EPHA3: variants seen among roughly 807,000 people sequenced by gnomAD.
EPHA3 encodes the protein ephrin type-A receptor 3.
Under a neutral mutation model 107.1 loss-of-function variants are expected in EPHA3, and 42 were observed. The observed-to-expected ratio is 0.39, with a 90% CI of 0.31 to 0.51. The LOEUF (loss-of-function observed/expected upper bound fraction) is 0.51. Ranked by LOEUF, EPHA3 falls within the 20% of genes least tolerant of loss-of-function variation. The probability of loss-of-function intolerance (pLI) is 0.78; values close to 1 mark genes in which losing one functional copy is unlikely to be tolerated. For synonymous variants in EPHA3, 461 were observed against 424.8 expected (o/e 1.09, Z -1.05); for missense variants, 1,183 against 1,211.2 (o/e 0.98, Z 0.35).
At chr3:89,407,237 C>T (rs367913580) in intron 7 of EPHA3, 32 bp from the exon 8 acceptor site, 77 of 1,477,826 alleles carry the variant, frequency 5.2e-5, no homozygotes, top group Middle Eastern at 1.7e-4. Context: ...GATTATAATA[C>T]CTGTTCTTAT....
chr3:89,411,742 T>G (rs1469746993), intron 9 of EPHA3, among the ~76,000 whole-genome samples: 4 of 151,892 alleles, frequency 2.6e-5, no homozygotes, highest in Non-Finnish European at 2.9e-5. Context: ...GGCCTAATGT[T>G]CATTGTACTG....
intron 2 of EPHA3, among the ~76,000 whole-genome samples, chr3:89,131,623 G>A (rs1043983437): frequency 6.6e-6 from 1 of 152,130 alleles, no homozygotes; most frequent in African/African-American, 2.4e-5. Flanking sequence ...CATGAGCTAT[G>A]ACTCACTTAA....
At chr3:89,397,347 A>G (rs1708869828) in intron 6 of EPHA3, among the ~76,000 whole-genome samples, 1 of 152,216 alleles carries the variant, frequency 6.6e-6, no homozygotes, top group Admixed American at 6.5e-5. Context: ...GTGTGACAAG[A>G]TAGAATGGGC....
chr3:89,219,032 G>C (rs575907054), intron 3 of EPHA3, among the ~76,000 whole-genome samples: 1 of 152,230 alleles, frequency 6.6e-6, no homozygotes, highest in South Asian at 2.1e-4. Context: ...AACATGGTCT[G>C]GTAAGCATGA....
Position 89,239,350 on chromosome 3 carries a change from A to G in EPHA3, c.814+28830A>G, listed in dbSNP as rs553723896. On this transcript the variant is annotated intron_variant, in intron 3 of 16. Coordinates refer to ENST00000336596, the MANE Select transcript of EPHA3 (RefSeq NM_005233.6). ...TCATTTCTTTCCACATTTCAAAATA[A>G]CAGTTGTATAATTTGGATAATTCCT... Among the ~76,000 whole-genome samples the G allele has an allele frequency of 3.3e-5, 5 of 152,312 alleles. No individual in the cohort carries two copies. In the South Asian group the frequency reaches 1.0e-3, roughly 32 times the overall value.
At chr3:89,110,867 T>C (rs1247686021) in intron 1 of EPHA3, among the ~76,000 whole-genome samples, 1 of 152,024 alleles carries the variant, frequency 6.6e-6, no homozygotes, top group Non-Finnish European at 1.5e-5. Flanking sequence ...TTGGTAAAAA[T>C]ACTTTCTTTA....
chr3:89,292,339 A>G (rs973616831), intron 3 of EPHA3, among the ~76,000 whole-genome samples: 4 of 152,170 alleles, frequency 2.6e-5, no homozygotes, highest in African/African-American at 9.6e-5. Flanking sequence ...TATTTTAAGC[A>G]ATCTAGAGAT....
At position 89,341,667 on chromosome 3, in the gene EPHA3, C is replaced by T. The variant is rs1347588845; in HGVS notation, c.971-88C>T. 5.8e-6 allele frequency: 6 copies of T among 1,026,624 alleles called. No homozygotes were observed. The Admixed American group carries it at 1.5e-4, about 26-fold the overall frequency. 63.6% of individuals were successfully genotyped at this position (1,026,624 alleles called of 1,614,324 possible). A position where few individuals can be genotyped will look rare whatever the true frequency, so the allele number is the denominator to read the frequency against. Reference sequence around the variant, plus strand: ...TAATAAAGAAAGGATAGTTATTTACCTCATTCAGTTCCATTGTAAATTATC... The same window carrying T: ...TAATAAAGAAAGGATAGTTATTTACTTCATTCAGTTCCATTGTAAATTATC... On this transcript the variant is annotated intron_variant, in intron 4 of 16. Transcript: ENST00000336596.
At chr3:89,394,642 CG>C (rs1422467655) in intron 5 of EPHA3, among the ~76,000 whole-genome samples, 2 of 152,054 alleles carry the variant, frequency 1.3e-5, no homozygotes, top group Admixed American at 6.6e-5. Flanking sequence ...AATGAGAGGT[CG>C]GATGCAAAAA....
intron 3 of EPHA3, among the ~76,000 whole-genome samples, chr3:89,232,561 A>G (rs570269555): frequency 2.4e-4 from 37 of 152,294 alleles, no homozygotes; most frequent in Admixed American, 7.8e-4. Context: ...TCTTTTGGAG[A>G]TATCTTTCTA....
chr3:89,209,738 A>C (rs1706221975), intron 2 of EPHA3, 122 bp from the exon 3 acceptor site: 1 of 843,710 alleles, frequency 1.2e-6, no homozygotes, highest in Non-Finnish European at 1.7e-6. Context: ...AAAACTACAA[A>C]CAAGAATGTT....
chr3:89,326,698 G>T (rs1707172993), intron 3 of EPHA3, among the ~76,000 whole-genome samples: 1 of 151,686 alleles, frequency 6.6e-6, no homozygotes, highest in African/African-American at 2.4e-5. Flanking sequence ...CCCTTGACTA[G>T]CCAGTTTTTT....
chr3:89,306,406 A>G (rs559607321), intron 3 of EPHA3, among the ~76,000 whole-genome samples: 3 of 152,318 alleles, frequency 2.0e-5, no homozygotes, highest in Admixed American at 6.5e-5. Context: ...AGACCAAAGT[A>G]GAAAGCATTA....
intron 2 of EPHA3, among the ~76,000 whole-genome samples, chr3:89,189,984 GC>G (rs1279678610): frequency 6.6e-6 from 1 of 152,128 alleles, no homozygotes; most frequent in Non-Finnish European, 1.5e-5. Flanking sequence ...TGAGATCTGA[GC>G]TGAAAACAGG....
At chr3:89,389,163 C>G (rs1012509020) in intron 5 of EPHA3, among the ~76,000 whole-genome samples, 4 of 152,072 alleles carry the variant, frequency 2.6e-5, no homozygotes, top group Admixed American at 2.6e-4. Flanking sequence ...AAAATCAGAA[C>G]ACCAGGTTTG....
chr3:89,121,462 CTATTAAAG>C (rs1707382867), intron 1 of EPHA3, among the ~76,000 whole-genome samples: 1 of 151,298 alleles, frequency 6.6e-6, no homozygotes, highest in African/African-American at 2.4e-5. Context: ...CTAATTAAAG[CTATTAAAG>C]TATTTTGGCT....
intron 6 of EPHA3, among the ~76,000 whole-genome samples, chr3:89,397,316 G>A (rs57127890): frequency 0.015 from 2,282 of 152,096 alleles, 42 homozygotes; most frequent in African/African-American, 0.052. Flanking sequence ...ATACTCATAG[G>A]ATTGTGATCT....
At chr3:89,230,340 C>T (rs189943587) in intron 3 of EPHA3, among the ~76,000 whole-genome samples, 321 of 152,110 alleles carry the variant, frequency 2.1e-3, no homozygotes, top group African/African-American at 7.1e-3. Flanking sequence ...GAAAATTTCA[C>T]GTTGCCTAAA....
chr3:89,272,498 A>G (rs1705697372), intron 3 of EPHA3, among the ~76,000 whole-genome samples: 1 of 151,958 alleles, frequency 6.6e-6, no homozygotes, highest in African/African-American at 2.4e-5. Flanking sequence ...GTGTCAAGAA[A>G]TTTTAATCCA....
Sources: gnomAD v4.1 joint callset for allele counts (sites outside exome capture counted in the v4.1 genomes callset) on GRCh38, gnomAD v4.1.1 for gene constraint, MANE v1.5 for transcripts, NCBI Gene and HGNC (gene_info 2026-07-23, HGNC 2026-07-21) for gene names.